TRIM37: variants seen among roughly 807,000 people sequenced by gnomAD.
TRIM37 encodes the protein E3 ubiquitin-protein ligase TRIM37.
Under a neutral mutation model 129.8 loss-of-function variants are expected in TRIM37, and 80 were observed. That is an observed-to-expected ratio of 0.62 (90% CI 0.51 to 0.74). The LOEUF (loss-of-function observed/expected upper bound fraction) is 0.74. TRIM37 is among the 30% of genes least tolerant of loss of function. TRIM37 has a pLI of 0.00. For missense variants in TRIM37, 1,054 were observed against 1,176.5 expected (o/e 0.90, Z 1.52); for synonymous variants, 389 against 387.1 (o/e 1.00, Z -0.06).
chr17:59,081,037 ATATAT>A (rs2043208534), intron 6 of TRIM37, 55 bp downstream of exon 6: 1 of 928,782 alleles, frequency 1.1e-6, no homozygotes, highest in Non-Finnish European at 1.4e-6. Context: ...TATTATATAA[ATATAT>A]TATTATATAT....
chr17:59,005,036 G>C (rs1041326173), intron 22 of TRIM37, among the ~76,000 whole-genome samples: 5 of 152,172 alleles, frequency 3.3e-5, no homozygotes, highest in Non-Finnish European at 5.9e-5. Flanking sequence ...GCCAAAACTA[G>C]CTAGTTCTGT....
intron 24 of TRIM37, among the ~76,000 whole-genome samples, chr17:58,987,416 C>T (rs1016205238): frequency 2.6e-5 from 4 of 152,116 alleles, no homozygotes; most frequent in African/African-American, 4.8e-5. Context: ...CTGAAGGTCT[C>T]GGGCAAGGAC....
intron 17 of TRIM37, among the ~76,000 whole-genome samples, chr17:59,037,557 C>CAAAAAAAAAAAAAAAAAAAAAAAAAAAAA (rs58856834): frequency 5.4e-5 from 4 of 74,034 alleles, no homozygotes; most frequent in African/African-American, 1.0e-4. Context: ...GACTCTGTCT[C>CAAAAAAAAAAAAAAAAAAAAAAAAAAAAA]AAAAAAAAAA....
the TRIM37 span, among the ~76,000 whole-genome samples, chr17:58,973,624 A>T: frequency 2.6e-5 from 4 of 151,452 alleles, no homozygotes; most frequent in Non-Finnish European, 4.4e-5. Flanking sequence ...CCTGGGCAAC[A>T]TAGTAAGACT....
rs1283700200 is a variant in TRIM37 at position 59,051,281 on chromosome 17, T to C, written c.1247A>G (p.His416Arg). ...AGCTTCCAACTGAGTAATGTACCAA[T>C]GCTGGTCCCGGGATTTTTGAAAGAA... ...PTFFQKSRDQ[H>R]WYITQLEAAQ... The change falls in exon 14 of 24, where the codon CAT becomes CGT. Residue 416 changes from histidine (H) to arginine (R), a missense_variant. Transcript: ENST00000262294. The C allele has an allele frequency of 1.9e-6, 3 of 1,614,014 alleles. No homozygotes were observed. Among genetic ancestry groups the C allele is most frequent in the East Asian group, 2.2e-5 (1 of 44,836 alleles).
the TRIM37 span, among the ~76,000 whole-genome samples, chr17:58,977,173 G>A: frequency 4.6e-5 from 7 of 152,004 alleles, no homozygotes; most frequent in South Asian, 2.1e-4. Flanking sequence ...GGCTGGGCGC[G>A]GTGGCTCACA....
At chr17:59,083,237 A>G (rs2147107206) in intron 5 of TRIM37, among the ~76,000 whole-genome samples, 1 of 152,290 alleles carries the variant, frequency 6.6e-6, no homozygotes, top group East Asian at 1.9e-4. Flanking sequence ...GCAGTTCAAG[A>G]CCAGCCTGAC....
downstream of TRIM37, chr17:58,980,884 T>G: frequency 6.2e-7 from 1 of 1,614,200 alleles, no homozygotes; most frequent in South Asian, 1.1e-5. The surrounding 1 kb of genome is among the most constrained non-coding windows in gnomAD (Gnocchi z 4.7). Context: ...TGTCCTCACT[T>G]ACTGGAAGTG....
At chr17:58,980,886 C>T (rs770315690), downstream of TRIM37, 2 of 1,614,162 alleles carry the variant, frequency 1.2e-6, no homozygotes, top group Admixed American at 1.7e-5. The surrounding 1 kb of genome is among the most constrained non-coding windows in gnomAD (Gnocchi z 4.7). Context: ...TCCTCACTTA[C>T]TGGAAGTGGG....
At chr17:59,034,244 T>A (rs997094450) in intron 17 of TRIM37, among the ~76,000 whole-genome samples, 2 of 152,100 alleles carry the variant, frequency 1.3e-5, no homozygotes, top group African/African-American at 4.8e-5. Context: ...CCTTTAAAAA[T>A]GTAAGTTGCT....
chr17:58,999,569 T>G, intron 23 of TRIM37, 110 bp from the exon 24 acceptor site: 2 of 914,868 alleles, frequency 2.2e-6, no homozygotes, highest in East Asian at 5.5e-5. Flanking sequence ...ATTTAAGTGA[T>G]AAAGATGTGC....
At chr17:58,976,500 T>C in the TRIM37 span, among the ~76,000 whole-genome samples, 1 of 152,168 alleles carries the variant, frequency 6.6e-6, no homozygotes, top group Admixed American at 6.5e-5. Context: ...AGTTCAGCTC[T>C]ACTCAGGAAA....
At chr17:59,063,291 T>C (rs2041656135) in intron 10 of TRIM37, among the ~76,000 whole-genome samples, 1 of 151,978 alleles carries the variant, frequency 6.6e-6, no homozygotes, top group South Asian at 2.1e-4. Context: ...GCAATTCTCC[T>C]GCCTCAGCCT....
At position 59,047,753 on chromosome 17, in the gene TRIM37, C is replaced by T. The variant is rs2039964299; in HGVS notation, c.1597G>A (p.Gly533Ser). The T allele has an allele frequency of 1.2e-6, 2 of 1,613,790 alleles. No individual in the cohort carries two copies. The highest frequency in any genetic ancestry group is 1.7e-6 in the Non-Finnish European group (2 of 1,179,862). The change falls in exon 16 of 24, where the codon GGC becomes AGC. Residue 533 changes from glycine to serine, a missense_variant. Physicochemically the swap from Gly to Ser is moderately conservative, Grantham distance 56. Coordinates refer to ENST00000262294, the MANE Select transcript of TRIM37 (RefSeq NM_015294.6). ...GTGGAACTAGCAGAGGAACTGCTGC[C>T]ATCGAGCTGATTTACTTCATCCTCA... ...VYEDEVNQLDGSSSSASSTAT... is the reference protein window; with the variant it reads ...VYEDEVNQLDSSSSSASSTAT...
intron 24 of TRIM37, among the ~76,000 whole-genome samples, chr17:58,989,362 G>A (rs1360656021): frequency 3.3e-5 from 5 of 152,062 alleles, no homozygotes; most frequent in Non-Finnish European, 7.4e-5. Flanking sequence ...CTTGAACCTT[G>A]GAGGTGGAGG....
intron 2 of TRIM37, 128 bp downstream of exon 2, chr17:59,104,165 C>T (rs1469439198): frequency 3.8e-6 from 3 of 779,972 alleles, no homozygotes; most frequent in South Asian, 3.3e-5. Context: ...TAGTATTCCT[C>T]AACCCCAAGC....
intron 18 of TRIM37, among the ~76,000 whole-genome samples, chr17:59,030,655 T>TA (rs1360273674): frequency 6.6e-5 from 10 of 152,352 alleles, no homozygotes; most frequent in African/African-American, 2.2e-4. Flanking sequence ...TGATACTGAT[T>TA]ATTTTCAAAA....
intron 20 of TRIM37, among the ~76,000 whole-genome samples, chr17:59,016,307 T>G (rs893233054): frequency 6.8e-6 from 1 of 146,346 alleles, no homozygotes; most frequent in South Asian, 2.1e-4. Flanking sequence ...GGCAGGAGAA[T>G]CACTTGAACA....
downstream of TRIM37, among the ~76,000 whole-genome samples, chr17:58,979,725 T>G (rs1400845177): frequency 6.6e-6 from 1 of 152,220 alleles, no homozygotes; most frequent in Non-Finnish European, 1.5e-5. Context: ...AGGTGCAGAT[T>G]CAGAGTCTAA....
Sources: gnomAD v4.1 joint callset for allele counts (sites outside exome capture counted in the v4.1 genomes callset) on GRCh38, gnomAD v4.1.1 for gene constraint, Gnocchi (gnomAD v3.1) non-coding constraint, MANE v1.5 for transcripts, NCBI Gene and HGNC (gene_info 2026-07-23, HGNC 2026-07-21) for gene names.